SDK1: variants seen among roughly 807,000 people sequenced by gnomAD.
SDK1 encodes the protein protein sidekick-1.
Under a neutral mutation model 245.5 loss-of-function variants are expected in SDK1, and 157 were observed. The ratio of observed to expected loss-of-function variants is 0.64; its 90% CI spans 0.56 to 0.73. SDK1 has a LOEUF of 0.73. SDK1 is among the 30% of genes least tolerant of loss of function. The probability of loss-of-function intolerance (pLI) is 0.00; values close to 1 mark genes in which losing one functional copy is unlikely to be tolerated. For missense variants in SDK1, 3,583 were observed against 3,002.3 expected (o/e 1.19, Z -4.52); for synonymous variants, 1,647 against 1,278.5 (o/e 1.29, Z -6.15).
At chr7:3,682,297 C>T (rs1784124386) in intron 4 of SDK1, among the ~76,000 whole-genome samples, 1 of 152,180 alleles carries the variant, frequency 6.6e-6, no homozygotes, top group East Asian at 1.9e-4. Flanking sequence ...CAAATCTTGT[C>T]TTTCGATTCT....
At chr7:3,860,900 C>T (rs566013957) in intron 5 of SDK1, among the ~76,000 whole-genome samples, 1 of 152,224 alleles carries the variant, frequency 6.6e-6, no homozygotes, top group African/African-American at 2.4e-5. Flanking sequence ...CTCCCTGTCC[C>T]CCACTTTTTG....
At chr7:3,464,221 C>G (rs1780920043) in intron 1 of SDK1, among the ~76,000 whole-genome samples, 1 of 152,044 alleles carries the variant, frequency 6.6e-6, no homozygotes, top group African/African-American at 2.4e-5. Flanking sequence ...TTTTTTTCCC[C>G]TCTGTTGAAA....
intron 17 of SDK1, among the ~76,000 whole-genome samples, chr7:4,029,673 C>T (rs1307933320): frequency 6.6e-6 from 1 of 152,132 alleles, no homozygotes; most frequent in African/African-American, 2.4e-5. Flanking sequence ...GTGTGATTTA[C>T]TTGATCAGCC....
At chr7:3,701,230 CAG>C (rs1176353924) in intron 4 of SDK1, among the ~76,000 whole-genome samples, 1 of 152,176 alleles carries the variant, frequency 6.6e-6, no homozygotes, top group Non-Finnish European at 1.5e-5. Flanking sequence ...ATAAATCCAA[CAG>C]AACATATACA....
chr7:4,126,086 A>C (rs1324072701), intron 25 of SDK1, among the ~76,000 whole-genome samples: 1 of 152,188 alleles, frequency 6.6e-6, no homozygotes, highest in Non-Finnish European at 1.5e-5. Context: ...GGTGGACTTG[A>C]AGTGTCTCTC....
intron 5 of SDK1, among the ~76,000 whole-genome samples, chr7:3,826,142 A>T (rs899671562): frequency 6.6e-6 from 1 of 152,200 alleles, no homozygotes; most frequent in Non-Finnish European, 1.5e-5. Flanking sequence ...GACAGAACTA[A>T]GTCTAGGCCA....
rs1456403719 is a variant in SDK1 at position 3,922,360 on chromosome 7, C to T, written c.848-28563C>T. Among the ~76,000 whole-genome samples, 7 of 152,282 alleles carry T rather than the reference C, an allele frequency of 4.6e-5. No individual in the cohort carries two copies. In the East Asian group the frequency reaches 5.8e-4, roughly 13 times the overall value. ...CTCCTCCCAGCTCCAAGTTCACTGA[C>T]GTCATATTGGGAGCTTGAAATCGGC... On this transcript the variant is annotated intron_variant, in intron 5 of 44. Transcript: ENST00000404826.
At chr7:3,896,249 C>G (rs751008710) in intron 5 of SDK1, among the ~76,000 whole-genome samples, 1 of 152,218 alleles carries the variant, frequency 6.6e-6, no homozygotes, top group Admixed American at 6.5e-5. Flanking sequence ...GGTTTGGCAT[C>G]TTCCTTCTCC....
At chr7:3,552,670 G>A (rs962735923) in intron 1 of SDK1, among the ~76,000 whole-genome samples, 2 of 152,164 alleles carry the variant, frequency 1.3e-5, no homozygotes, top group Non-Finnish European at 2.9e-5. Context: ...CTTATTCATG[G>A]CTGTGAATCA....
intron 4 of SDK1, among the ~76,000 whole-genome samples, chr7:3,729,627 C>T (rs920041350): frequency 1.3e-5 from 2 of 152,160 alleles, no homozygotes; most frequent in Non-Finnish European, 2.9e-5. Flanking sequence ...GGCAGCTTTC[C>T]CTAGACCCTG....
At chr7:3,585,925 T>C (rs1780673369) in intron 1 of SDK1, among the ~76,000 whole-genome samples, 1 of 152,124 alleles carries the variant, frequency 6.6e-6, no homozygotes, top group Non-Finnish European at 1.5e-5. Context: ...TACCATTTCT[T>C]TGTTGCTAAA....
At chr7:3,732,271 T>G (rs1779202797) in intron 4 of SDK1, among the ~76,000 whole-genome samples, 1 of 152,210 alleles carries the variant, frequency 6.6e-6, no homozygotes, top group South Asian at 2.1e-4. Context: ...CAAATTGTTG[T>G]GATGAAACGA....
intron 4 of SDK1, among the ~76,000 whole-genome samples, chr7:3,675,956 C>T (rs1783879786): frequency 6.6e-6 from 1 of 152,146 alleles, no homozygotes; most frequent in Admixed American, 6.5e-5. Context: ...TTGTTGAATG[C>T]ATAGTTCCTG....
At chr7:3,713,483 G>T (rs1463485468) in intron 4 of SDK1, among the ~76,000 whole-genome samples, 1 of 152,150 alleles carries the variant, frequency 6.6e-6, no homozygotes, top group Non-Finnish European at 1.5e-5. Flanking sequence ...CTTCATTCTT[G>T]CCTTGAGTGT....
At chr7:3,569,947 G>T (rs1266860376) in intron 1 of SDK1, among the ~76,000 whole-genome samples, 1 of 152,166 alleles carries the variant, frequency 6.6e-6, no homozygotes, top group African/African-American at 2.4e-5. Context: ...TCTCCCAGAA[G>T]TTCAGAGTGT....
chr7:4,164,478 T>C (rs620175), intron 32 of SDK1, among the ~76,000 whole-genome samples: 47,600 of 152,018 alleles, frequency 0.31, 10,623 homozygotes, highest in African/African-American at 0.63. Flanking sequence ...AAAATGGAAA[T>C]GCAAAGTCCC....
chr7:3,891,378 A>C (rs1460681999), intron 5 of SDK1, among the ~76,000 whole-genome samples: 1 of 152,178 alleles, frequency 6.6e-6, no homozygotes, highest in African/African-American at 2.4e-5. Flanking sequence ...GTGCTGGAAG[A>C]CATGCTCTCC....
chr7:3,877,923 C>A (rs994335278), intron 5 of SDK1, among the ~76,000 whole-genome samples: 3 of 152,220 alleles, frequency 2.0e-5, no homozygotes, highest in African/African-American at 7.2e-5. Flanking sequence ...ACACATAAGT[C>A]TTTTAATACA....
chr7:3,342,655 A>C lies in SDK1; in HGVS notation c.298+40771A>C, dbSNP rs140352311. ...TAAGCAATAAGTTCTTAGTCTTTAC[A>C]CCAAAATCACAATCCATAAAAGAAA... On this transcript the variant is annotated intron_variant, in intron 1 of 44. Transcript: ENST00000404826. Among the ~76,000 whole-genome samples the C allele has an allele frequency of 3.3e-5, 5 of 152,324 alleles. No homozygotes were observed. In the East Asian group the frequency reaches 9.6e-4, roughly 29 times the overall value.
Sources: gnomAD v4.1 joint callset for allele counts (sites outside exome capture counted in the v4.1 genomes callset) on GRCh38, gnomAD v4.1.1 for gene constraint, MANE v1.5 for transcripts, NCBI Gene and HGNC (gene_info 2026-07-23, HGNC 2026-07-21) for gene names.